SGCZ: variants seen among roughly 807,000 people sequenced by gnomAD.
The protein encoded by SGCZ is sarcoglycan zeta.
Under a neutral mutation model 41.3 loss-of-function variants are expected in SGCZ, and 40 were observed. That is an observed-to-expected ratio of 0.97 (90% CI 0.75 to 1.26). The LOEUF is 1.26. SGCZ is among the 50% of genes most tolerant of loss of function. The pLI is 0.00. For synonymous variants in SGCZ, 206 were observed against 137.5 expected, an observed-to-expected ratio of 1.50 and a Z score of -3.49; for missense variants, 552 against 369.8, an observed-to-expected ratio of 1.49 and a Z score of -4.04.
intron 2 of SGCZ, among the ~76,000 whole-genome samples, chr8:14,493,244 A>T (rs1029947116): frequency 6.6e-6 from 1 of 151,810 alleles, no homozygotes; most frequent in African/African-American, 2.4e-5. Flanking sequence ...CTCTGATGAC[A>T]TGAACCTCCT....
chr8:14,796,101 T>C (rs1343209187), intron 1 of SGCZ, among the ~76,000 whole-genome samples: 1 of 152,244 alleles, frequency 6.6e-6, no homozygotes, highest in East Asian at 1.9e-4. Context: ...TGATTCCTTG[T>C]CTTTGCTATT....
chr8:14,627,739 A>G (rs1806510763), intron 1 of SGCZ, among the ~76,000 whole-genome samples: 1 of 142,444 alleles, frequency 7.0e-6, no homozygotes, highest in Non-Finnish European at 1.6e-5. Context: ...TTCAGTCTCA[A>G]TGAATTACTT....
chr8:14,715,534 CCACACACACACACACA>C (rs3069627), intron 1 of SGCZ, among the ~76,000 whole-genome samples: 1 of 133,312 alleles, frequency 7.5e-6, no homozygotes, highest in South Asian at 2.3e-4. Context: ...ATATCCTCCA[CCACACACACACACACA>C]CACACACACA....
At chr8:15,171,027 T>A in intron 1 of SGCZ, among the ~76,000 whole-genome samples, 2 of 152,184 alleles carry the variant, frequency 1.3e-5, no homozygotes, top group Non-Finnish European at 2.9e-5. Context: ...AAACAAATTA[T>A]GAGGCTATCT....
chr8:14,745,094 A>G (rs1425713424), intron 1 of SGCZ, among the ~76,000 whole-genome samples: 2 of 152,012 alleles, frequency 1.3e-5, no homozygotes, highest in Non-Finnish European at 2.9e-5. Context: ...CTCTCCTTCC[A>G]TTTATTTTCC....
intron 1 of SGCZ, among the ~76,000 whole-genome samples, chr8:15,117,275 C>T (rs935387095): frequency 2.0e-5 from 3 of 151,620 alleles, no homozygotes; most frequent in Non-Finnish European, 2.9e-5. Flanking sequence ...AGGAGAATGG[C>T]GTGAACCTGG....
In SGCZ at chr8:14,856,093, T is replaced by A. The variant is rs947949649; in HGVS notation, c.40-301167A>T. 3.3e-5 allele frequency among the ~76,000 whole-genome samples: 5 copies of A among 152,260 alleles called. No homozygotes were observed. In the East Asian group the frequency reaches 7.7e-4, roughly 23 times the overall value. ...TGTAAATTAATCAAAATAAAACATA[T>A]AATATTTAGGTCGAGGATAGGATTA... On this transcript the variant is annotated intron_variant, in intron 1 of 7. Transcript: ENST00000382080.
In SGCZ at chr8:14,580,157, T is replaced by C. The variant is rs879547723; in HGVS notation, c.40-25231A>G. 2.6e-5 allele frequency among the ~76,000 whole-genome samples: 4 copies of C among 152,136 alleles called. No homozygotes were observed. In the South Asian group the frequency reaches 8.3e-4, roughly 31 times the overall value. Reference sequence around the variant, plus strand: ...CAAACACAGAATTGCTCAGTTAGGTTATGAAAGAAAAGGCAAATGCAGCCT... The same window carrying C: ...CAAACACAGAATTGCTCAGTTAGGTCATGAAAGAAAAGGCAAATGCAGCCT... On this transcript the variant is annotated intron_variant, in intron 1 of 7. Coordinates refer to ENST00000382080, the MANE Select transcript of SGCZ (RefSeq NM_139167.4).
intron 1 of SGCZ, among the ~76,000 whole-genome samples, chr8:14,665,751 C>A (rs558012811): frequency 6.9e-4 from 105 of 152,206 alleles, no homozygotes; most frequent in African/African-American, 2.5e-3. Context: ...TCTATATTTT[C>A]TTCTTCTATT....
At chr8:14,568,374 A>C (rs371157447) in intron 1 of SGCZ, among the ~76,000 whole-genome samples, 1 of 150,744 alleles carries the variant, frequency 6.6e-6, no homozygotes, top group East Asian at 2.0e-4. Flanking sequence ...CATTCAGCAC[A>C]TGTATCCCAG....
At chr8:14,465,851 A>G (rs1178555581) in intron 2 of SGCZ, among the ~76,000 whole-genome samples, 1 of 151,924 alleles carries the variant, frequency 6.6e-6, no homozygotes, top group Non-Finnish European at 1.5e-5. Flanking sequence ...ATCCAAAAAC[A>G]TAAATGATTT....
intron 1 of SGCZ, among the ~76,000 whole-genome samples, chr8:14,885,601 G>T (rs991164601): frequency 6.6e-6 from 1 of 151,940 alleles, no homozygotes; most frequent in Non-Finnish European, 1.5e-5. Flanking sequence ...AGGTGTCCTT[G>T]CTCTCTTAAC....
At chr8:14,555,794 G>C (rs929150069) in intron 1 of SGCZ, among the ~76,000 whole-genome samples, 1 of 151,974 alleles carries the variant, frequency 6.6e-6, no homozygotes, top group Non-Finnish European at 1.5e-5. Flanking sequence ...TAGTGTATTT[G>C]CAAGAACCTA....
At chr8:14,754,494 C>A (rs1224150213) in intron 1 of SGCZ, among the ~76,000 whole-genome samples, 1 of 152,076 alleles carries the variant, frequency 6.6e-6, no homozygotes, top group African/African-American at 2.4e-5. Context: ...ATCTCTCTGC[C>A]CATTACATTT....
intron 1 of SGCZ, among the ~76,000 whole-genome samples, chr8:15,183,335 A>G (rs955776559): frequency 6.6e-6 from 1 of 151,654 alleles, no homozygotes; most frequent in South Asian, 2.1e-4. Context: ...CATTACTACA[A>G]ACACATGAGA....
intron 2 of SGCZ, among the ~76,000 whole-genome samples, chr8:14,331,460 T>C (rs1802318845): frequency 6.6e-6 from 1 of 152,132 alleles, no homozygotes; most frequent in Non-Finnish European, 1.5e-5. Context: ...TGGCCTGCTT[T>C]ATATGTGTGT....
intron 1 of SGCZ, among the ~76,000 whole-genome samples, chr8:15,187,385 A>G (rs1800380443): frequency 6.6e-6 from 1 of 152,124 alleles, no homozygotes; most frequent in African/African-American, 2.4e-5. Flanking sequence ...TGTAATGTGC[A>G]TTTTACAAGA....
chr8:15,077,212 C>T (rs6994086), intron 1 of SGCZ, among the ~76,000 whole-genome samples: 5,783 of 152,200 alleles, frequency 0.038, 360 homozygotes, highest in African/African-American at 0.13. Flanking sequence ...ATAAGCATTA[C>T]AATGGCTTCA....
intron 1 of SGCZ, among the ~76,000 whole-genome samples, chr8:14,746,577 A>G (rs368023272): frequency 6.6e-6 from 1 of 152,134 alleles, no homozygotes; most frequent in Admixed American, 6.5e-5. Context: ...CTGGCATAAG[A>G]ATGGGAAATA....
Sources: allele counts gnomAD v4.1 joint callset (sites outside exome capture counted in the v4.1 genomes callset), GRCh38; gene constraint gnomAD v4.1.1; transcripts MANE v1.5; gene names NCBI Gene and HGNC (gene_info 2026-07-23, HGNC 2026-07-21).